Variants in SLC24A3 observed in about 807,000 individuals in gnomAD.
SLC24A3 encodes the protein solute carrier family 24 member 3, also known as sodium/potassium/calcium exchanger 3.
SLC24A3 carries 28 observed loss-of-function variants against 75.8 expected under a neutral mutation model. The observed-to-expected ratio is 0.37, with a 90% CI of 0.27 to 0.51. The LOEUF (loss-of-function observed/expected upper bound fraction) is 0.51, where lower values mean the gene tolerates loss of function less well. Ranked by LOEUF, SLC24A3 falls within the 20% of genes least tolerant of loss-of-function variation. The probability of loss-of-function intolerance (pLI) is 0.94; values close to 1 mark genes in which losing one functional copy is unlikely to be tolerated. For missense variants in SLC24A3, 663 were observed against 847.8 expected, an observed-to-expected ratio of 0.78 and a Z score of 2.71; for synonymous variants, 372 against 334.1, an observed-to-expected ratio of 1.11 and a Z score of -1.24.
intron 12 of SLC24A3, among the ~76,000 whole-genome samples, chr20:19,686,650 T>G (rs1345272855): frequency 6.6e-6 from 1 of 152,220 alleles, no homozygotes; most frequent in Non-Finnish European, 1.5e-5. Context: ...CCTGTGTTAA[T>G]TTTGGATGCG....
intron 3 of SLC24A3, among the ~76,000 whole-genome samples, chr20:19,566,414 G>A (rs1449723346): frequency 1.3e-5 from 2 of 152,162 alleles, no homozygotes; most frequent in African/African-American, 2.4e-5. Context: ...TGTTTCCTGT[G>A]GGCAGTTGAG....
At chr20:19,388,795 G>C (rs1986317411) in intron 2 of SLC24A3, among the ~76,000 whole-genome samples, 1 of 152,092 alleles carries the variant, frequency 6.6e-6, no homozygotes, top group Non-Finnish European at 1.5e-5. Context: ...ATCTTTTGTA[G>C]TTAGCATATG....
At chr20:19,678,097 A>C (rs1157840004) in intron 9 of SLC24A3, among the ~76,000 whole-genome samples, 1 of 150,612 alleles carries the variant, frequency 6.6e-6, no homozygotes, top group African/African-American at 2.4e-5. Flanking sequence ...AAAGTCTCCC[A>C]TGTCTACTTC....
At chr20:19,443,622 A>G (rs924537955) in intron 2 of SLC24A3, among the ~76,000 whole-genome samples, 3 of 152,168 alleles carry the variant, frequency 2.0e-5, no homozygotes, top group Non-Finnish European at 4.4e-5. Flanking sequence ...CTGTAAGAGG[A>G]CAGTTTCATT....
chr20:19,496,359 T>G (rs1988287297), intron 2 of SLC24A3, among the ~76,000 whole-genome samples: 1 of 152,132 alleles, frequency 6.6e-6, no homozygotes, highest in Non-Finnish European at 1.5e-5. Flanking sequence ...TGGAGTGATG[T>G]GCATGGTTCA....
chr20:19,291,017 A>T (rs1251007392), intron 2 of SLC24A3, among the ~76,000 whole-genome samples: 1 of 152,222 alleles, frequency 6.6e-6, no homozygotes, highest in Non-Finnish European at 1.5e-5. Flanking sequence ...ATTGAAGTCA[A>T]CAGGGAATGT....
chr20:19,521,599 G>A lies in SLC24A3; in HGVS notation c.348+6035G>A, dbSNP rs993871213. 3.9e-5 allele frequency among the ~76,000 whole-genome samples: 6 copies of A among 152,228 alleles called. No homozygotes were observed. In the East Asian group the frequency reaches 1.2e-3, roughly 29 times the overall value. ...CTCCCAGCTGACTGCTCCTCTTTCA[G>A]GTCTGGGGGAGGAGAGGAGGAGGAA... On this transcript the variant is annotated intron_variant, in intron 3 of 16. Transcript: ENST00000328041.
At chr20:19,488,243 G>T (rs1182064094) in intron 2 of SLC24A3, among the ~76,000 whole-genome samples, 2 of 152,202 alleles carry the variant, frequency 1.3e-5, no homozygotes, top group African/African-American at 2.4e-5. Context: ...GAGGCCAGAG[G>T]GCAGGTGCCT....
At chr20:19,359,454 T>C (rs1018381194) in intron 2 of SLC24A3, among the ~76,000 whole-genome samples, 2 of 152,146 alleles carry the variant, frequency 1.3e-5, no homozygotes, top group African/African-American at 4.8e-5. Context: ...CCGTCACCCA[T>C]GTCATCTGGG....
At chr20:19,482,553 A>T (rs952565461) in intron 2 of SLC24A3, among the ~76,000 whole-genome samples, 1 of 152,220 alleles carries the variant, frequency 6.6e-6, no homozygotes, top group African/African-American at 2.4e-5. Flanking sequence ...TTCACACTGC[A>T]TGGTAATCTC....
chr20:19,311,332 GGGCCCCACACA>G (rs1360205338), intron 2 of SLC24A3, among the ~76,000 whole-genome samples: 13 of 152,030 alleles, frequency 8.6e-5, no homozygotes, highest in Non-Finnish European at 4.4e-5. Flanking sequence ...GATCATTCCA[GGGCCCCACACA>G]GGAAATCAGG....
At chr20:19,416,778 T>G (rs1986835100) in intron 2 of SLC24A3, among the ~76,000 whole-genome samples, 1 of 152,190 alleles carries the variant, frequency 6.6e-6, no homozygotes, top group African/African-American at 2.4e-5. Flanking sequence ...TAAGACTGAG[T>G]GTTTACCACT....
At chr20:19,268,409 G>A (rs914125238) in intron 1 of SLC24A3, among the ~76,000 whole-genome samples, 3 of 152,158 alleles carry the variant, frequency 2.0e-5, no homozygotes, top group African/African-American at 7.2e-5. Context: ...ACACAATTCT[G>A]AAGGTGGGGG....
At chr20:19,709,273 C>T (rs747275548) in intron 15 of SLC24A3, among the ~76,000 whole-genome samples, 54 of 152,074 alleles carry the variant, frequency 3.6e-4, no homozygotes, top group Non-Finnish European at 5.3e-4. Flanking sequence ...AGGAGAAAGT[C>T]CTAAGGCAAC....
intron 2 of SLC24A3, among the ~76,000 whole-genome samples, chr20:19,435,767 T>C (rs1461054894): frequency 6.6e-6 from 1 of 152,132 alleles, no homozygotes; most frequent in African/African-American, 2.4e-5. Flanking sequence ...TCTCTTCCAG[T>C]TGGAACAGTC....
At chr20:19,508,175 C>T (rs1342321674) in intron 2 of SLC24A3, among the ~76,000 whole-genome samples, 3 of 152,190 alleles carry the variant, frequency 2.0e-5, no homozygotes, top group Non-Finnish European at 2.9e-5. Context: ...GTGGGAGCAA[C>T]AGGCTTTACT....
At chr20:19,283,355 G>A (rs892243244) in intron 2 of SLC24A3, 8 of 152,272 alleles carry the variant, frequency 5.3e-5, no homozygotes, top group African/African-American at 1.7e-4. Context: ...GTCTCCACAT[G>A]TGCTGTTAAA....
chr20:19,328,551 C>A (rs1984923402), intron 2 of SLC24A3, among the ~76,000 whole-genome samples: 1 of 152,026 alleles, frequency 6.6e-6, no homozygotes, highest in Admixed American at 6.6e-5. Flanking sequence ...GAATTGGTGA[C>A]AACACCCTGA....
intron 2 of SLC24A3, among the ~76,000 whole-genome samples, chr20:19,492,502 A>G (rs1173037173): frequency 1.3e-5 from 2 of 152,086 alleles, no homozygotes; most frequent in Non-Finnish European, 2.9e-5. Flanking sequence ...ACAGTCATTC[A>G]TTTTTCCCAT....
Sources: gnomAD v4.1 joint callset for allele counts (sites outside exome capture counted in the v4.1 genomes callset) on GRCh38, gnomAD v4.1.1 for gene constraint, MANE v1.5 for transcripts, NCBI Gene and HGNC (gene_info 2026-07-23, HGNC 2026-07-21) for gene names.